Variants in CNTN4 observed in about 807,000 individuals in gnomAD.
CNTN4 encodes contactin 4.
In CNTN4, 77 loss-of-function variants were observed where a neutral mutation model predicts 122.5. That is an observed-to-expected ratio of 0.63 (90% CI 0.52 to 0.76). CNTN4 has a LOEUF of 0.76. Among genes scored for constraint, CNTN4 ranks in the 30% least tolerant of loss-of-function variants. The probability of loss-of-function intolerance (pLI) is 0.00; values close to 1 mark genes in which losing one functional copy is unlikely to be tolerated. For missense variants in CNTN4, 1,256 were observed against 1,259.1 expected, an observed-to-expected ratio of 1.00 and a Z score of 0.04; for synonymous variants, 512 against 447.0, an observed-to-expected ratio of 1.15 and a Z score of -1.83.
intron 2 of CNTN4, among the ~76,000 whole-genome samples, chr3:2,200,475 G>A (rs532830060): frequency 5.3e-4 from 80 of 152,144 alleles, no homozygotes; most frequent in African/African-American, 1.8e-3. Context: ...TGTTGAGGGG[G>A]AGGGGTTCTA....
chr3:2,470,967 A>T (rs1309610095), intron 3 of CNTN4, among the ~76,000 whole-genome samples: 1 of 152,228 alleles, frequency 6.6e-6, no homozygotes, highest in Admixed American at 6.5e-5. Flanking sequence ...TTCCAAGGGA[A>T]AAGATGGCAC....
At chr3:2,342,601 C>T (rs920705063) in intron 3 of CNTN4, among the ~76,000 whole-genome samples, 2 of 152,048 alleles carry the variant, frequency 1.3e-5, no homozygotes, top group African/African-American at 2.4e-5. Context: ...TCATGCTGTT[C>T]GTGTAACAGT....
At chr3:2,539,511 A>G (rs888448569) in intron 3 of CNTN4, among the ~76,000 whole-genome samples, 12 of 152,094 alleles carry the variant, frequency 7.9e-5, no homozygotes, top group Non-Finnish European at 1.2e-4. Flanking sequence ...CTTGAGAACA[A>G]AAGTATTTAG....
chr3:2,921,837 G>C (rs542026546), intron 12 of CNTN4, among the ~76,000 whole-genome samples: 31 of 152,204 alleles, frequency 2.0e-4, no homozygotes, highest in Admixed American at 7.8e-4. Flanking sequence ...AAGTTTTTGA[G>C]GGGTTCTATT....
At chr3:2,787,523 G>C (rs985864327) in intron 6 of CNTN4, among the ~76,000 whole-genome samples, 1 of 152,200 alleles carries the variant, frequency 6.6e-6, no homozygotes, top group Non-Finnish European at 1.5e-5. Context: ...TATTTGGTCA[G>C]TGTCCGAACT....
In CNTN4 at chr3:2,857,653, C is replaced by T. The variant is rs376620791; in HGVS notation, c.455-9099C>T. On this transcript the variant is annotated intron_variant, in intron 7 of 24. Transcript: ENST00000418658. Reference sequence around the variant, plus strand: ...AGTAAAGTGGTGCGATTATGGTTCACTGCCGCCTTGACCTCCTGGGCGCAA... The same window carrying T: ...AGTAAAGTGGTGCGATTATGGTTCATTGCCGCCTTGACCTCCTGGGCGCAA... Among the ~76,000 whole-genome samples the T allele has an allele frequency of 2.6e-5, 4 of 152,164 alleles. No homozygotes were observed. In the South Asian group the frequency reaches 6.2e-4, roughly 24 times the overall value.
intron 3 of CNTN4, among the ~76,000 whole-genome samples, chr3:2,527,436 T>TGC (rs34375682): frequency 2.1e-3 from 315 of 150,380 alleles, no homozygotes; most frequent in African/African-American, 6.6e-3. Context: ...GCTGCTGCTG[T>TGC]TGCTGTTATT....
At chr3:2,856,740 G>A (rs564530582) in intron 7 of CNTN4, among the ~76,000 whole-genome samples, 52 of 152,262 alleles carry the variant, frequency 3.4e-4, no homozygotes, top group African/African-American at 1.1e-3. Flanking sequence ...GCAACTCCTC[G>A]CTTGAGGGAT....
intron 4 of CNTN4, among the ~76,000 whole-genome samples, chr3:2,718,002 TA>T (rs2087604394): frequency 6.6e-6 from 1 of 152,218 alleles, no homozygotes; most frequent in Non-Finnish European, 1.5e-5. Context: ...ACCTATTTTT[TA>T]AATTGAGTTG....
At chr3:2,863,184 A>G (rs1365063376) in intron 7 of CNTN4, among the ~76,000 whole-genome samples, 1 of 152,194 alleles carries the variant, frequency 6.6e-6, no homozygotes, top group African/African-American at 2.4e-5. Context: ...GAAGAGATAA[A>G]CAAATAAAAA....
intron 17 of CNTN4, among the ~76,000 whole-genome samples, chr3:3,035,368 A>T (rs944596098): frequency 4.6e-5 from 7 of 152,066 alleles, no homozygotes; most frequent in Non-Finnish European, 1.0e-4. Context: ...AACACACATT[A>T]AAAATATATT....
At chr3:2,335,590 T>G (rs1381264193) in intron 2 of CNTN4, among the ~76,000 whole-genome samples, 1 of 150,040 alleles carries the variant, frequency 6.7e-6, no homozygotes, top group Non-Finnish European at 1.5e-5. Flanking sequence ...GTGGGTTTTT[T>G]TTTTTTTTTT....
At chr3:2,204,277 T>C (rs2038236563) in intron 2 of CNTN4, among the ~76,000 whole-genome samples, 1 of 152,198 alleles carries the variant, frequency 6.6e-6, no homozygotes, top group African/African-American at 2.4e-5. Context: ...ATACATCTTT[T>C]TAATTATTCC....
At chr3:2,725,605 T>C (rs62232734) in intron 4 of CNTN4, among the ~76,000 whole-genome samples, 25,535 of 152,106 alleles carry the variant, frequency 0.17, 2,427 homozygotes, top group East Asian at 0.43. Flanking sequence ...GGGAAGGGCC[T>C]GGACAACACA....
At chr3:2,429,465 G>A (rs2047974817) in intron 3 of CNTN4, among the ~76,000 whole-genome samples, 1 of 152,118 alleles carries the variant, frequency 6.6e-6, no homozygotes, top group Non-Finnish European at 1.5e-5. Flanking sequence ...ATGGGCACCC[G>A]GCCATATGAG....
intron 3 of CNTN4, among the ~76,000 whole-genome samples, chr3:2,341,189 C>G (rs2044197744): frequency 6.6e-6 from 1 of 152,100 alleles, no homozygotes; most frequent in Non-Finnish European, 1.5e-5. Flanking sequence ...TTTATGAATA[C>G]TGCTCTGGTT....
At chr3:2,997,276 A>G (rs1020135149) in intron 14 of CNTN4, among the ~76,000 whole-genome samples, 6 of 152,228 alleles carry the variant, frequency 3.9e-5, no homozygotes, top group African/African-American at 1.2e-4. Flanking sequence ...GACTGGTTTT[A>G]TGTGCACATG....
intron 3 of CNTN4, among the ~76,000 whole-genome samples, chr3:2,430,420 C>G (rs1190609758): frequency 7.6e-6 from 1 of 131,612 alleles, no homozygotes; most frequent in Non-Finnish European, 1.6e-5. Context: ...AGACTCTTGT[C>G]TCAAAAAAAA....
chr3:2,657,818 C>T (rs1483387776), intron 4 of CNTN4, among the ~76,000 whole-genome samples: 1 of 151,358 alleles, frequency 6.6e-6, no homozygotes, highest in Non-Finnish European at 1.5e-5. Flanking sequence ...TCTTTTTGAC[C>T]AGTGACTTTC....
Sources: gnomAD v4.1 joint callset for allele counts (sites outside exome capture counted in the v4.1 genomes callset) on GRCh38, gnomAD v4.1.1 for gene constraint, MANE v1.5 for transcripts, NCBI Gene and HGNC (gene_info 2026-07-23, HGNC 2026-07-21) for gene names.